ETV6: variants seen among roughly 807,000 people sequenced by gnomAD.
ETV6 encodes ETS variant transcription factor 6.
ETV6 carries 16 observed loss-of-function variants against 51.1 expected under a neutral mutation model. That is an observed-to-expected ratio of 0.31 (90% CI 0.21 to 0.48). The LOEUF is 0.48. ETV6 is among the 20% of genes least tolerant of loss of function. The pLI, the probability that ETV6 is intolerant of heterozygous loss-of-function variation, is 0.99. For synonymous variants in ETV6, 240 were observed against 224.1 expected (o/e 1.07, Z -0.64); for missense variants, 458 against 594.8 (o/e 0.77, Z 2.39).
At chr12:11,837,395 A>G (rs1946332363) in intron 2 of ETV6, among the ~76,000 whole-genome samples, 1 of 152,166 alleles carries the variant, frequency 6.6e-6, no homozygotes, top group African/African-American at 2.4e-5. Context: ...ACTACAAAAA[A>G]GGAATTTTGG....
chr12:11,773,429 A>G (rs1945272150), intron 2 of ETV6, among the ~76,000 whole-genome samples: 1 of 152,144 alleles, frequency 6.6e-6, no homozygotes, highest in African/African-American at 2.4e-5. Context: ...CAAGATGGAG[A>G]GGTTGAATTT....
chr12:11,814,164 A>G (rs1945957075), intron 2 of ETV6, among the ~76,000 whole-genome samples: 1 of 152,210 alleles, frequency 6.6e-6, no homozygotes, highest in Non-Finnish European at 1.5e-5. Flanking sequence ...GTTCTGTAAA[A>G]TGCCGAATTA....
chr12:11,841,385 C>T (rs764470542), intron 3 of ETV6, among the ~76,000 whole-genome samples: 5 of 151,976 alleles, frequency 3.3e-5, no homozygotes, highest in African/African-American at 9.7e-5. Flanking sequence ...GCACTGGTGT[C>T]GGGAGAGAAG....
At chr12:11,871,390 C>T (rs185274346) in intron 5 of ETV6, among the ~76,000 whole-genome samples, 2 of 152,220 alleles carry the variant, frequency 1.3e-5, no homozygotes, top group African/African-American at 4.8e-5. Context: ...CGGGGTTTCA[C>T]CATGTTAGCC....
At chr12:11,732,566 C>T (rs2092182541) in intron 1 of ETV6, among the ~76,000 whole-genome samples, 1 of 152,290 alleles carries the variant, frequency 6.6e-6, no homozygotes, top group Non-Finnish European at 1.5e-5. Flanking sequence ...GGAGTTTCCC[C>T]CCATTGTATC....
At chr12:11,776,906 G>A (rs1945333970) in intron 2 of ETV6, among the ~76,000 whole-genome samples, 1 of 152,136 alleles carries the variant, frequency 6.6e-6, no homozygotes, top group South Asian at 2.1e-4. Flanking sequence ...ATAAATTAAG[G>A]CAGGTCATTA....
intron 1 of ETV6, among the ~76,000 whole-genome samples, chr12:11,678,995 C>T (rs1447772127): frequency 2.0e-5 from 3 of 152,138 alleles, no homozygotes; most frequent in African/African-American, 7.2e-5. Context: ...CTAATCTCTC[C>T]GGAAACACCC....
At chr12:11,729,481 C>G (rs916979133) in intron 1 of ETV6, among the ~76,000 whole-genome samples, 1 of 152,072 alleles carries the variant, frequency 6.6e-6, no homozygotes, top group Admixed American at 6.5e-5. Flanking sequence ...GGACTCTCCC[C>G]GAATCTGAGA....
intron 2 of ETV6, among the ~76,000 whole-genome samples, chr12:11,834,906 A>G (rs1203748438): frequency 6.6e-6 from 1 of 152,238 alleles, no homozygotes; most frequent in Non-Finnish European, 1.5e-5. Context: ...TGAGCCACAG[A>G]GAAGCTGAGT....
In ETV6 at chr12:11,813,011, A is replaced by G. The variant is rs189434622; in HGVS notation, c.164-26129A>G. ...TGACCCGGTGCTGGGGAGGGAGTGC[A>G]TGGGGTAGGCTCCTGGTTGTGAGCC... On this transcript the variant is annotated intron_variant, in intron 2 of 7. Transcript: ENST00000396373. Among the ~76,000 whole-genome samples the G allele has an allele frequency of 6.0e-4, 92 of 152,250 alleles. 1 individual carries two copies. The highest frequency in any genetic ancestry group is 2.1e-3 in the African/African-American group (89 of 41,552).
At chr12:11,698,142 T>C (rs1318558786) in intron 1 of ETV6, among the ~76,000 whole-genome samples, 1 of 152,224 alleles carries the variant, frequency 6.6e-6, no homozygotes, top group Non-Finnish European at 1.5e-5. Flanking sequence ...TAGTTTCCTG[T>C]CCTTCCCTGC....
intron 1 of ETV6, among the ~76,000 whole-genome samples, chr12:11,751,579 ACGGTAATCCTTCT>A (rs1337681417): frequency 6.6e-6 from 1 of 152,202 alleles, no homozygotes; most frequent in Non-Finnish European, 1.5e-5. Flanking sequence ...CTTAAAACTC[ACGGTAATCCTTCT>A]CACCCCATCT....
chr12:11,712,501 A>G (rs1330919675), intron 1 of ETV6, among the ~76,000 whole-genome samples: 1 of 152,164 alleles, frequency 6.6e-6, no homozygotes, highest in Non-Finnish European at 1.5e-5. Flanking sequence ...ATCTGTGTTA[A>G]TCAGGGTTCT....
rs373032126 is a variant in ETV6, at chr12:11,750,490, C to T, written c.34-1960C>T. On this transcript the variant is annotated intron_variant, in intron 1 of 7. Coordinates refer to ENST00000396373, the MANE Select transcript of ETV6 (RefSeq NM_001987.5). ...AAGGGAAAGAAGAGTCATTGAATTT[C>T]GAAATGCTGTCTTGTTTTTTTCTTG... is the stretch of plus-strand genomic sequence containing the variant. Among the ~76,000 whole-genome samples, 4 of 152,266 alleles carry T rather than the reference C, an allele frequency of 2.6e-5. No homozygotes were observed. The East Asian group carries it at 5.8e-4, about 22-fold the overall frequency.
At chr12:11,875,273 T>C (rs1946965360) in intron 5 of ETV6, among the ~76,000 whole-genome samples, 1 of 152,180 alleles carries the variant, frequency 6.6e-6, no homozygotes. Flanking sequence ...GGCTAGTGTT[T>C]ATGGGAGAGA....
intron 4 of ETV6, among the ~76,000 whole-genome samples, chr12:11,867,668 C>T (rs1048262487): frequency 3.9e-5 from 6 of 152,180 alleles, no homozygotes; most frequent in African/African-American, 7.2e-5. Flanking sequence ...TATCAAATTA[C>T]GGAATTCACT....
intron 2 of ETV6, among the ~76,000 whole-genome samples, chr12:11,823,692 C>T (rs147901559): frequency 0.059 from 9,032 of 152,076 alleles, 367 homozygotes; most frequent in Non-Finnish European, 0.087. Context: ...GGTCTCAGAC[C>T]CCTGACCTTG....
At chr12:11,712,846 G>A (rs775000025) in intron 1 of ETV6, among the ~76,000 whole-genome samples, 14 of 152,172 alleles carry the variant, frequency 9.2e-5, no homozygotes, top group Non-Finnish European at 1.9e-4. Flanking sequence ...CATCCCCCTC[G>A]CAGGAGTTTG....
intron 1 of ETV6, among the ~76,000 whole-genome samples, chr12:11,683,870 A>G (rs1038418333): frequency 1.3e-5 from 2 of 151,888 alleles, no homozygotes; most frequent in South Asian, 4.2e-4. Flanking sequence ...AACCTCATAT[A>G]GTTGCCTCCC....
Sources: allele counts gnomAD v4.1 joint callset (sites outside exome capture counted in the v4.1 genomes callset), GRCh38; gene constraint gnomAD v4.1.1; transcripts MANE v1.5; gene names NCBI Gene and HGNC (gene_info 2026-07-23, HGNC 2026-07-21).